UCK2: variants seen among roughly 807,000 people sequenced by gnomAD.
UCK2 encodes the protein uridine-cytidine kinase 2, also known as cytidine monophosphokinase 2.
A neutral mutation model predicts 30.8 loss-of-function variants in UCK2; 6 were observed. The ratio of observed to expected loss-of-function variants is 0.19; its 90% CI spans 0.11 to 0.38. The LOEUF (loss-of-function observed/expected upper bound fraction) is 0.38, where lower values mean the gene tolerates loss of function less well. Ranked by LOEUF, UCK2 falls within the 10% of genes least tolerant of loss-of-function variation. UCK2 has a pLI of 1.00. For missense variants in UCK2, 210 were observed against 339.8 expected (o/e 0.62, Z 3.00); for synonymous variants, 125 against 133.6 (o/e 0.94, Z 0.45).
At chr1:165,881,535 C>A (rs981378066) in intron 1 of UCK2, among the ~76,000 whole-genome samples, 1 of 152,176 alleles carries the variant, frequency 6.6e-6, no homozygotes, top group Non-Finnish European at 1.5e-5. Flanking sequence ...GTTTTTCAGA[C>A]GTTTGACTTT....
chr1:165,876,758 G>A (rs976759295), intron 1 of UCK2, among the ~76,000 whole-genome samples: 2 of 152,172 alleles, frequency 1.3e-5, no homozygotes, highest in African/African-American at 4.8e-5. Flanking sequence ...ATTTAGGTGT[G>A]GGCAGTGTTG....
intron 1 of UCK2, among the ~76,000 whole-genome samples, chr1:165,883,630 A>G (rs1027501005): frequency 2.6e-5 from 4 of 152,100 alleles, no homozygotes; most frequent in Non-Finnish European, 5.9e-5. Context: ...ATGTGGTGGC[A>G]TGGGTGGGTG....
intron 1 of UCK2, among the ~76,000 whole-genome samples, chr1:165,888,063 C>T (rs1374447898): frequency 6.6e-6 from 1 of 152,164 alleles, no homozygotes; most frequent in Non-Finnish European, 1.5e-5. Context: ...ACGTATTTTG[C>T]AGAGCTGTTT....
At position 165,896,381 on chromosome 1, in the gene UCK2, C is replaced by T. The variant is rs770219547; in HGVS notation, c.499+49C>T. 17 of 1,606,312 alleles carry T rather than the reference C, an allele frequency of 1.1e-5. No individual in the cohort carries two copies. In the East Asian group the frequency reaches 1.8e-4, roughly 17 times the overall value. On this transcript the variant is annotated intron_variant, in intron 4 of 6. Transcript: ENST00000367879. ...GCCCTGTTGGTGGCCACCTTGAGGG[C>T]GGGGGAGCTGGGAGCCTGTGACAGG...
At chr1:165,879,549 T>TTATTATTATTA (rs1395461476) in intron 1 of UCK2, among the ~76,000 whole-genome samples, 2 of 149,512 alleles carry the variant, frequency 1.3e-5, no homozygotes, top group Non-Finnish European at 3.0e-5. Context: ...TTGCTTTTTA[T>TTATTATTATTA]TATTATTATT....
At position 165,876,265 on chromosome 1, in the gene UCK2, TTTG is replaced by T. The variant is rs1655332291; in HGVS notation, c.100-13938_100-13936del. On this transcript the variant is annotated intron_variant, in intron 1 of 6. Coordinates refer to ENST00000367879, the MANE Select transcript of UCK2 (RefSeq NM_012474.5). ...CTGCAGCCTAGTAATTGCTACTCAT[TTTG>T]AAGACCCTGAAGCACACCACTGGAT... 1.6e-4 allele frequency among the ~76,000 whole-genome samples: 25 copies of T among 152,332 alleles called. No individual in the cohort carries two copies. The South Asian group carries it at 5.2e-3, about 32-fold the overall frequency.
chr1:165,828,008 C>T (rs1306696374), intron 1 of UCK2, 76 bp downstream of exon 1: 4 of 1,143,796 alleles, frequency 3.5e-6, no homozygotes, highest in Non-Finnish European at 4.4e-6. Context: ...CGGCCGCGGG[C>T]CGTGTCAGTT....
At chr1:165,878,577 C>T (rs1311156799) in intron 1 of UCK2, among the ~76,000 whole-genome samples, 1 of 152,188 alleles carries the variant, frequency 6.6e-6, no homozygotes, top group African/African-American at 2.4e-5. Flanking sequence ...ATCTCCTAAA[C>T]TCGTCATCTG....
intron 1 of UCK2, among the ~76,000 whole-genome samples, chr1:165,835,131 A>G (rs1654154755): frequency 6.6e-6 from 1 of 151,830 alleles, no homozygotes; most frequent in Admixed American, 6.6e-5. Flanking sequence ...TTTCCCTGGG[A>G]GTGGAGATGA....
At chr1:165,900,965 C>T (rs527912744) in intron 4 of UCK2, among the ~76,000 whole-genome samples, 7 of 152,138 alleles carry the variant, frequency 4.6e-5, no homozygotes, top group South Asian at 2.1e-4. Context: ...TATCTGGAGA[C>T]GTGTGAAGAA....
At chr1:165,889,689 T>C (rs1052828226) in intron 1 of UCK2, among the ~76,000 whole-genome samples, 15 of 49,014 alleles carry the variant, frequency 3.1e-4, no homozygotes, top group Middle Eastern at 7.9e-3. Flanking sequence ...TCCGTTAGCC[T>C]TTTTTTTTTT....
intron 1 of UCK2, among the ~76,000 whole-genome samples, chr1:165,850,656 T>C (rs1373940357): frequency 2.7e-5 from 4 of 149,802 alleles, no homozygotes; most frequent in African/African-American, 7.4e-5. Context: ...TCTGGTTCTG[T>C]TGCCCAGGCT....
At position 165,845,166 on chromosome 1, in the gene UCK2, A is replaced by G. The variant is rs545868563; in HGVS notation, c.99+17234A>G. 3.7e-4 allele frequency among the ~76,000 whole-genome samples: 57 copies of G among 152,208 alleles called. 1 individual carries two copies. The highest frequency in any genetic ancestry group is 5.6e-4 in the Non-Finnish European group (38 of 68,008). On this transcript the variant is annotated intron_variant, in intron 1 of 6. Transcript: ENST00000367879. ...GGGATCTGGCGCTCTCTCCAGGTAG[A>G]TCGTGTCAGAATTGAATTACAGGAC...
chr1:165,834,981 A>G (rs572144428), intron 1 of UCK2, among the ~76,000 whole-genome samples: 4 of 152,240 alleles, frequency 2.6e-5, no homozygotes, highest in African/African-American at 7.2e-5. Context: ...GCCCATAAGT[A>G]TGCTATTTGG....
intron 1 of UCK2, among the ~76,000 whole-genome samples, chr1:165,881,182 TAAA>T (rs56886913): frequency 2.6e-3 from 245 of 92,848 alleles, no homozygotes; most frequent in African/African-American, 9.3e-3. Flanking sequence ...CAATAAAACT[TAAA>T]AAAAAAAAAA....
At chr1:165,864,393 A>G (rs1654994986) in intron 1 of UCK2, among the ~76,000 whole-genome samples, 1 of 152,190 alleles carries the variant, frequency 6.6e-6, no homozygotes, top group Admixed American at 6.5e-5. Context: ...TATTTCAGAA[A>G]CAAATGTTTT....
intron 1 of UCK2, among the ~76,000 whole-genome samples, chr1:165,848,703 TC>T (rs1654517057): frequency 6.6e-6 from 1 of 151,852 alleles, no homozygotes; most frequent in Non-Finnish European, 1.5e-5. Context: ...GAGCTTTACA[TC>T]CATAGATGAG....
intron 1 of UCK2, among the ~76,000 whole-genome samples, chr1:165,848,468 C>T (rs1278098282): frequency 6.6e-6 from 1 of 152,084 alleles, no homozygotes; most frequent in Non-Finnish European, 1.5e-5. Context: ...CCCATCTCTA[C>T]AAAAAATACA....
chr1:165,844,132 G>T (rs1654392161), intron 1 of UCK2, among the ~76,000 whole-genome samples: 1 of 152,208 alleles, frequency 6.6e-6, no homozygotes, highest in Non-Finnish European at 1.5e-5. Flanking sequence ...TGTGTATAGA[G>T]TGCCAGGTGG....
Sources: allele counts gnomAD v4.1 joint callset (sites outside exome capture counted in the v4.1 genomes callset), GRCh38; gene constraint gnomAD v4.1.1; transcripts MANE v1.5; gene names NCBI Gene and HGNC (gene_info 2026-07-23, HGNC 2026-07-21).